TMEM74: variants seen among roughly 807,000 people sequenced by gnomAD.
The protein encoded by TMEM74 is transmembrane protein 74.
Under a neutral mutation model 18.1 loss-of-function variants are expected in TMEM74, and 13 were observed. That is an observed-to-expected ratio of 0.72 (90% CI 0.47 to 1.14). The LOEUF (loss-of-function observed/expected upper bound fraction) is 1.14. Ranked by LOEUF, TMEM74 falls within the 50% of genes most tolerant of loss-of-function variation. TMEM74 has a pLI of 0.00. For synonymous variants in TMEM74, 159 were observed against 146.6 expected, an observed-to-expected ratio of 1.08 and a Z score of -0.61; for missense variants, 372 against 375.9, an observed-to-expected ratio of 0.99 and a Z score of 0.09.
intron 1 of TMEM74, among the ~76,000 whole-genome samples, chr8:108,750,802 T>G (rs1813897405): frequency 6.6e-6 from 1 of 152,060 alleles, no homozygotes; most frequent in Non-Finnish European, 1.5e-5. Flanking sequence ...GGGAGAATCT[T>G]GGGAAGGGGG....
chr8:108,617,184 C>T (rs774867578), intron 2 of TMEM74, among the ~76,000 whole-genome samples: 39 of 151,532 alleles, frequency 2.6e-4, no homozygotes, highest in Non-Finnish European at 4.7e-4. Flanking sequence ...TTCATGCAAA[C>T]GCAAGCAGAT....
chr8:108,672,573 T>C (rs1005722675), intron 1 of TMEM74, among the ~76,000 whole-genome samples: 3 of 152,194 alleles, frequency 2.0e-5, no homozygotes, highest in East Asian at 1.9e-4. Context: ...CTTGAATCTA[T>C]AAAGGGCTGT....
intron 2 of TMEM74, among the ~76,000 whole-genome samples, chr8:108,646,081 G>GT (rs765519153): frequency 0.021 from 2,849 of 138,674 alleles, 55 homozygotes; most frequent in African/African-American, 0.057. Flanking sequence ...TGTTCACGAA[G>GT]TTTTTTTTTT....
In TMEM74 at chr8:108,710,299, T is replaced by C. The variant is rs372369823; in HGVS notation, n.120-54862A>G. ...AGAACTATAGGGACCATGATTAGAC[T>C]GCCAGATTCTTATCTTAACATGTGA... On this transcript the variant is annotated intron_variant and non_coding_transcript_variant, in intron 1 of 3. Transcript: ENST00000518838. Among the ~76,000 whole-genome samples the C allele has an allele frequency of 6.6e-5, 10 of 152,350 alleles. No individual in the cohort carries two copies. The East Asian group carries it at 1.9e-3, about 29-fold the overall frequency.
chr8:108,632,908 G>T (rs1293479650), intron 2 of TMEM74, among the ~76,000 whole-genome samples: 4 of 151,968 alleles, frequency 2.6e-5, no homozygotes, highest in African/African-American at 9.7e-5. Flanking sequence ...CTTCTAGTTT[G>T]CATGAGTAAA....
At chr8:108,752,142 A>T (rs189524310) in intron 1 of TMEM74, among the ~76,000 whole-genome samples, 1 of 152,242 alleles carries the variant, frequency 6.6e-6, no homozygotes, top group Non-Finnish European at 1.5e-5. Context: ...ATGAGACAAT[A>T]TTAAAGATGC....
intron 2 of TMEM74, among the ~76,000 whole-genome samples, chr8:108,646,201 A>C (rs951021518): frequency 2.0e-5 from 3 of 152,072 alleles, no homozygotes; most frequent in Admixed American, 1.3e-4. Context: ...ATGTGTATCC[A>C]TGCTAAATAT....
At chr8:108,722,625 A>G (rs539729998) in intron 1 of TMEM74, among the ~76,000 whole-genome samples, 30 of 152,210 alleles carry the variant, frequency 2.0e-4, no homozygotes, top group Non-Finnish European at 3.7e-4. Flanking sequence ...TACCTTGTTG[A>G]TCGTTTTGAG....
At chr8:108,693,462 G>C (rs750425524) in intron 1 of TMEM74, among the ~76,000 whole-genome samples, 1 of 152,196 alleles carries the variant, frequency 6.6e-6, no homozygotes, top group Non-Finnish European at 1.5e-5. Flanking sequence ...CCCTTTAACT[G>C]ATGTCTCTAA....
intron 1 of TMEM74, among the ~76,000 whole-genome samples, chr8:108,678,554 G>A (rs1206414958): frequency 1.4e-5 from 2 of 147,272 alleles, no homozygotes; most frequent in Non-Finnish European, 3.0e-5. Flanking sequence ...TGTATTTTTA[G>A]TAGAGACAAG....
intron 2 of TMEM74, among the ~76,000 whole-genome samples, chr8:108,631,089 T>G (rs917185648): frequency 6.6e-6 from 1 of 151,966 alleles, no homozygotes; most frequent in African/African-American, 2.4e-5. Flanking sequence ...CACTTGGACA[T>G]GGGAAGAACA....
At chr8:108,640,959 A>G (rs967162628) in intron 2 of TMEM74, among the ~76,000 whole-genome samples, 1 of 152,218 alleles carries the variant, frequency 6.6e-6, no homozygotes, top group African/African-American at 2.4e-5. Context: ...TTTAGATGAT[A>G]TAAAGTGATA....
rs116738654 is a variant in TMEM74, at chr8:108,751,650, C to T, written n.119+35826G>A. On this transcript the variant is annotated intron_variant and non_coding_transcript_variant, in intron 1 of 3. Transcript: ENST00000518838. ...TTATAACAGCAACAAAAAACATAAA[C>T]GAGCTAAATATAACAAGAAATGTTC... Among the ~76,000 whole-genome samples, 1,007 of 151,932 alleles carry T rather than the reference C, an allele frequency of 6.6e-3. 7 individuals are homozygous for T. Among genetic ancestry groups the T allele is most frequent in the African/African-American group, 0.023 (954 of 41,494 alleles).
intron 1 of TMEM74, among the ~76,000 whole-genome samples, chr8:108,657,869 T>A (rs1232241742): frequency 0.05 from 2,228 of 44,550 alleles, 304 homozygotes; most frequent in African/African-American, 0.067. Context: ...AATATATATA[T>A]ATATATATAT....
chr8:108,747,874 C>A (rs908194245), intron 1 of TMEM74, among the ~76,000 whole-genome samples: 6 of 152,084 alleles, frequency 3.9e-5, no homozygotes, highest in African/African-American at 1.4e-4. Context: ...CCATCCACGT[C>A]CCTGCAAAGG....
chr8:108,662,848 C>G (rs191254412), intron 1 of TMEM74, among the ~76,000 whole-genome samples: 4 of 152,156 alleles, frequency 2.6e-5, no homozygotes, highest in African/African-American at 9.6e-5. Flanking sequence ...CTGGTTGGTG[C>G]CCTACTTCTG....
rs1002390692 is a variant in TMEM74 at position 108,781,019 on chromosome 8, G to C, written c.*3162C>G. 1.3e-5 allele frequency among the ~76,000 whole-genome samples: 2 copies of C among 152,094 alleles called. No individual in the cohort carries two copies. Among genetic ancestry groups the C allele is most frequent in the Non-Finnish European group, 2.9e-5 (2 of 68,006 alleles). On this transcript the variant is annotated 3_prime_UTR_variant, in exon 2 of 2. Coordinates refer to ENST00000297459, the MANE Select transcript of TMEM74 (RefSeq NM_153015.3). ...TTAAATCATCCACCAGCAGCGTGTA[G>C]ATCCCAGTAATAAAGGAGAAAGACA...
At chr8:108,700,612 C>G (rs951658328) in intron 1 of TMEM74, among the ~76,000 whole-genome samples, 3 of 152,030 alleles carry the variant, frequency 2.0e-5, no homozygotes, top group Admixed American at 1.3e-4. Flanking sequence ...GAAGTGCAAT[C>G]AGATAGCAAA....
intron 1 of TMEM74, among the ~76,000 whole-genome samples, chr8:108,715,290 C>A (rs985833053): frequency 6.6e-6 from 1 of 151,646 alleles, no homozygotes; most frequent in Non-Finnish European, 1.5e-5. Flanking sequence ...AGGAGGGAGG[C>A]GAGGGCTAAA....
Sources: gnomAD v4.1 joint callset for allele counts (sites outside exome capture counted in the v4.1 genomes callset) on GRCh38, gnomAD v4.1.1 for gene constraint, MANE v1.5 for transcripts, NCBI Gene and HGNC (gene_info 2026-07-23, HGNC 2026-07-21) for gene names.